Variants in WWP1 observed in about 807,000 individuals in gnomAD.
WWP1 encodes the protein WW domain containing E3 ubiquitin protein ligase 1, also known as NEDD4-like E3 ubiquitin-protein ligase WWP1.
WWP1 carries 49 observed loss-of-function variants against 130.6 expected under a neutral mutation model. The ratio of observed to expected loss-of-function variants is 0.38; its 90% CI spans 0.30 to 0.48. The LOEUF (loss-of-function observed/expected upper bound fraction) is 0.48. Ranked by LOEUF, WWP1 falls within the 20% of genes least tolerant of loss-of-function variation. The pLI, the probability that WWP1 is intolerant of heterozygous loss-of-function variation, is 0.99. For missense variants in WWP1, 809 were observed against 1,100.6 expected, an observed-to-expected ratio of 0.74 and a Z score of 3.75; for synonymous variants, 332 against 367.8, an observed-to-expected ratio of 0.90 and a Z score of 1.11.
At chr8:86,450,746 T>C (rs914744720) in intron 20 of WWP1, among the ~76,000 whole-genome samples, 3 of 152,186 alleles carry the variant, frequency 2.0e-5, no homozygotes, top group African/African-American at 4.8e-5. Flanking sequence ...TCTTGTTTAG[T>C]TGTGATACCT....
At position 86,398,415 on chromosome 8, in the gene WWP1, A is replaced by G. The variant is rs774391966; in HGVS notation, c.408A>G (p.Thr136=). ...GCATAGCACAAACTGGTGAATTGACAGTTGTGCTTGATGGATTGGTGATTG... is the reference window on the plus strand; with the variant it reads ...GCATAGCACAAACTGGTGAATTGACGGTTGTGCTTGATGGATTGGTGATTG... The part of the protein sequence containing the change: ...KNGIAQTGEL[T]VVLDGLVIEQ... The change falls in exon 6 of 25, where the codon ACA becomes ACG. Residue 136 remains threonine (T), a synonymous_variant. Transcript: ENST00000517970. 14 of 1,612,806 alleles carry G rather than the reference A, an allele frequency of 8.7e-6. No homozygotes were observed. Among genetic ancestry groups the G allele is most frequent in the Non-Finnish European group, 1.2e-5 (14 of 1,179,254 alleles).
intron 18 of WWP1, 80 bp from the exon 19 acceptor site, chr8:86,448,068 A>C (rs1455252085): frequency 7.9e-7 from 1 of 1,259,134 alleles, no homozygotes; most frequent in Non-Finnish European, 1.1e-6. Flanking sequence ...GTGAAGTCTC[A>C]TGATTTTTCT....
intron 7 of WWP1, among the ~76,000 whole-genome samples, chr8:86,399,565 G>A (rs188352644): frequency 2.0e-5 from 3 of 152,116 alleles, no homozygotes; most frequent in Non-Finnish European, 2.9e-5. Context: ...CTAAGTTGCC[G>A]TTAAGTGATT....
intron 10 of WWP1, among the ~76,000 whole-genome samples, chr8:86,426,333 T>C (rs778287201): frequency 3.3e-5 from 5 of 152,246 alleles, no homozygotes; most frequent in Non-Finnish European, 5.9e-5. Context: ...TCTATTATTC[T>C]CTTTGTGACC....
intron 1 of WWP1, among the ~76,000 whole-genome samples, chr8:86,355,626 C>T (rs1354763075): frequency 6.6e-5 from 10 of 152,124 alleles, no homozygotes; most frequent in African/African-American, 1.9e-4. Flanking sequence ...TCCCAGAATA[C>T]GTGGAAATTA....
rs182932879 is a variant in WWP1, at chr8:86,368,681, A to G, written c.-114-258A>G. 2.9e-3 allele frequency among the ~76,000 whole-genome samples: 441 copies of G among 152,250 alleles called. 1 individual carries two copies. Among genetic ancestry groups the G allele is most frequent in the African/African-American group, 9.7e-3 (403 of 41,554 alleles). ...AGTTTAGACCCTCTCTGTTTGCCTG[A>G]TCACGTTACACTGTCCTTATGTTCC... On this transcript the variant is annotated intron_variant, in intron 1 of 24. Coordinates refer to ENST00000517970, the MANE Select transcript of WWP1 (RefSeq NM_007013.4).
At chr8:86,416,898 CCCCCTTTA>C in intron 9 of WWP1, among the ~76,000 whole-genome samples, 1 of 152,222 alleles carries the variant, frequency 6.6e-6, no homozygotes, top group Non-Finnish European at 1.5e-5. Context: ...GCCAGAGCAG[CCCCCTTTA>C]CCCCTGTACC....
Position 86,345,491 on chromosome 8 carries a change from C to A in WWP1, c.-115+2561C>A, listed in dbSNP as rs193216478. 2.4e-3 allele frequency among the ~76,000 whole-genome samples: 366 copies of A among 152,256 alleles called. 1 individual carries two copies. Among genetic ancestry groups the A allele is most frequent in the Non-Finnish European group, 4.6e-3 (311 of 68,010 alleles). On this transcript the variant is annotated intron_variant, in intron 1 of 24. Transcript: ENST00000517970. ...GTGGCGCCTTCTGGGCTCATTGCAA[C>A]CTCCGCCTCCCAGGCTCAAGAGATT...
intron 8 of WWP1, among the ~76,000 whole-genome samples, chr8:86,407,195 T>C (rs1808330185): frequency 6.6e-6 from 1 of 152,184 alleles, no homozygotes; most frequent in Non-Finnish European, 1.5e-5. Flanking sequence ...TTTTGCCCCG[T>C]GTTTCTGCAT....
At chr8:86,359,732 TA>T (rs1415843812) in intron 1 of WWP1, among the ~76,000 whole-genome samples, 1 of 151,998 alleles carries the variant, frequency 6.6e-6, no homozygotes, top group Non-Finnish European at 1.5e-5. Flanking sequence ...TGCTTGCCTG[TA>T]AATAATACTC....
At chr8:86,390,765 A>G (rs1256306098) in intron 5 of WWP1, among the ~76,000 whole-genome samples, 2 of 151,904 alleles carry the variant, frequency 1.3e-5, no homozygotes, top group Non-Finnish European at 2.9e-5. Flanking sequence ...GGAGAAGAAT[A>G]TGTGGTTTCT....
chr8:86,408,570 T>A (rs768382742), intron 8 of WWP1, among the ~76,000 whole-genome samples: 2 of 152,202 alleles, frequency 1.3e-5, no homozygotes, highest in African/African-American at 2.4e-5. Context: ...ATCTTCCCAT[T>A]GAGAGATATT....
intron 2 of WWP1, among the ~76,000 whole-genome samples, chr8:86,370,979 C>T (rs1186103309): frequency 6.8e-6 from 1 of 147,544 alleles, no homozygotes; most frequent in African/African-American, 2.5e-5. Flanking sequence ...AATTCTCCTG[C>T]CTCAGCCTCC....
intron 9 of WWP1, among the ~76,000 whole-genome samples, chr8:86,423,936 G>A (rs1281485950): frequency 7.2e-4 from 96 of 132,514 alleles, no homozygotes; most frequent in Middle Eastern, 4.1e-3. Flanking sequence ...GCGGCTGGCC[G>A]GGCGGGGGCT....
At chr8:86,413,673 C>T (rs1333362284) in intron 9 of WWP1, among the ~76,000 whole-genome samples, 2 of 152,132 alleles carry the variant, frequency 1.3e-5, no homozygotes, top group Non-Finnish European at 2.9e-5. Context: ...AATGAGTATG[C>T]TGAACCCAGG....
At chr8:86,423,430 A>C (rs1809346816) in intron 9 of WWP1, among the ~76,000 whole-genome samples, 1 of 152,098 alleles carries the variant, frequency 6.6e-6, no homozygotes, top group South Asian at 2.1e-4. Context: ...ATGACTCTTA[A>C]GGAGTATGCT....
At chr8:86,357,344 T>C (rs1219899437) in intron 1 of WWP1, among the ~76,000 whole-genome samples, 5 of 152,204 alleles carry the variant, frequency 3.3e-5, no homozygotes, top group Non-Finnish European at 1.5e-5. Context: ...CACTTTTTTC[T>C]TTTTTTATAT....
chr8:86,378,676 TA>T (rs1400606323), intron 3 of WWP1, among the ~76,000 whole-genome samples: 2 of 152,214 alleles, frequency 1.3e-5, no homozygotes, highest in African/African-American at 4.8e-5. Flanking sequence ...CTAGCATATT[TA>T]TAAATTCCTC....
chr8:86,425,210 A>G lies in WWP1; in HGVS notation c.1062-13A>G, dbSNP rs754893450. On this transcript the variant is annotated splice_polypyrimidine_tract_variant and intron_variant, in intron 9 of 24. Transcript: ENST00000517970. ...TGTTGTCTCTTACTGTTATTTTTGT[A>G]TTTTTATTAAAGGTGGGAACAAAGA... 8 of 1,596,418 alleles carry G rather than the reference A, an allele frequency of 5.0e-6. No individual in the cohort carries two copies. The East Asian group carries it at 1.6e-4, about 31-fold the overall frequency.
Sources: gnomAD v4.1 joint callset for allele counts (sites outside exome capture counted in the v4.1 genomes callset) on GRCh38, gnomAD v4.1.1 for gene constraint, MANE v1.5 for transcripts, NCBI Gene and HGNC (gene_info 2026-07-23, HGNC 2026-07-21) for gene names.